Variants in GALNTL6 observed in about 807,000 individuals in gnomAD.
GALNTL6 encodes polypeptide N-acetylgalactosaminyltransferase like 6.
Under a neutral mutation model 73.7 loss-of-function variants are expected in GALNTL6, and 46 were observed. The observed-to-expected ratio is 0.62, with a 90% CI of 0.49 to 0.80. GALNTL6 has a LOEUF of 0.80. Among genes scored for constraint, GALNTL6 ranks in the 30% least tolerant of loss-of-function variants. The pLI is 0.00. For synonymous variants in GALNTL6, 259 were observed against 263.7 expected, an observed-to-expected ratio of 0.98 and a Z score of 0.17; for missense variants, 604 against 755.0, an observed-to-expected ratio of 0.80 and a Z score of 2.34.
At chr4:172,144,133 C>T (rs148017863) in intron 2 of GALNTL6, among the ~76,000 whole-genome samples, 184 of 152,224 alleles carry the variant, frequency 1.2e-3, no homozygotes, top group African/African-American at 3.7e-3. Flanking sequence ...AAAGGGCTCC[C>T]CTTCCAATTA....
chr4:172,544,967 T>G (rs1375603783), intron 5 of GALNTL6, among the ~76,000 whole-genome samples: 1 of 152,192 alleles, frequency 6.6e-6, no homozygotes, highest in Non-Finnish European at 1.5e-5. Context: ...TATCCCAGGT[T>G]TTTCCCAATG....
chr4:172,292,451 A>G (rs1250337175), intron 3 of GALNTL6, among the ~76,000 whole-genome samples: 1 of 152,250 alleles, frequency 6.6e-6, no homozygotes, highest in Non-Finnish European at 1.5e-5. Flanking sequence ...ATTCATACTG[A>G]TACAATCCAT....
chr4:172,302,442 ATTCG>A (rs997503087), intron 3 of GALNTL6, among the ~76,000 whole-genome samples: 2 of 152,104 alleles, frequency 1.3e-5, no homozygotes, highest in African/African-American at 2.4e-5. Context: ...TGCAGAAATC[ATTCG>A]TCTTCTGCTT....
At chr4:172,931,958 A>G (rs1455863285) in intron 9 of GALNTL6, among the ~76,000 whole-genome samples, 1 of 152,152 alleles carries the variant, frequency 6.6e-6, no homozygotes. Flanking sequence ...TGCTTTCCAT[A>G]TTACTTTCTT....
At chr4:171,967,964 T>C (rs12503009) in intron 2 of GALNTL6, among the ~76,000 whole-genome samples, 6 of 151,910 alleles carry the variant, frequency 3.9e-5, no homozygotes, top group Non-Finnish European at 5.9e-5. Context: ...ATACCCTAGT[T>C]GTGAGAACAG....
At chr4:172,936,085 G>A (rs1047202322) in intron 9 of GALNTL6, among the ~76,000 whole-genome samples, 1 of 152,166 alleles carries the variant, frequency 6.6e-6, no homozygotes, top group Admixed American at 6.5e-5. Context: ...TATCCACCAT[G>A]ATCAAGTTGG....
At chr4:172,151,550 T>C (rs749405246) in intron 2 of GALNTL6, among the ~76,000 whole-genome samples, 62 of 152,196 alleles carry the variant, frequency 4.1e-4, no homozygotes, top group Non-Finnish European at 8.8e-4. Flanking sequence ...GCTATCAACG[T>C]CAGGAGGAGT....
chr4:171,969,768 C>CATT (rs1553977045), intron 2 of GALNTL6, among the ~76,000 whole-genome samples: 1 of 143,932 alleles, frequency 6.9e-6, no homozygotes, highest in African/African-American at 2.6e-5. Flanking sequence ...CTCCAAACCA[C>CATT]TTTTTTTTTT....
At chr4:172,773,131 A>G (rs1033790419) in intron 5 of GALNTL6, among the ~76,000 whole-genome samples, 22 of 152,230 alleles carry the variant, frequency 1.4e-4, no homozygotes, top group African/African-American at 4.6e-4. Flanking sequence ...ACTCCGTGTG[A>G]TGAAAGAGCA....
intron 2 of GALNTL6, among the ~76,000 whole-genome samples, chr4:172,156,566 TAC>T (rs202128867): frequency 0.011 from 1,161 of 102,000 alleles, 103 homozygotes; most frequent in African/African-American, 0.042. Context: ...TATATATATA[TAC>T]ATACTATATA....
intron 2 of GALNTL6, among the ~76,000 whole-genome samples, chr4:171,975,317 C>G (rs1183906059): frequency 1.3e-5 from 2 of 152,134 alleles, no homozygotes; most frequent in Non-Finnish European, 2.9e-5. Context: ...ATGCTCTACC[C>G]TACTTATCAT....
chr4:172,341,769 C>A (rs1741575408), intron 4 of GALNTL6, among the ~76,000 whole-genome samples: 1 of 152,152 alleles, frequency 6.6e-6, no homozygotes, highest in Admixed American at 6.5e-5. Context: ...CTTCCCCAAC[C>A]ATACGGAACA....
chr4:172,126,700 G>A (rs538891280), intron 2 of GALNTL6, among the ~76,000 whole-genome samples: 146 of 152,238 alleles, frequency 9.6e-4, no homozygotes, highest in African/African-American at 3.3e-3. Flanking sequence ...ACCACACAAA[G>A]GCATTGCTCA....
chr4:172,426,891 C>T (rs991088877), intron 5 of GALNTL6, among the ~76,000 whole-genome samples: 1 of 145,852 alleles, frequency 6.9e-6, no homozygotes, highest in Non-Finnish European at 1.5e-5. Flanking sequence ...GAAACATTCT[C>T]TAGCCAATTC....
chr4:172,045,146 T>C (rs1248024752), intron 2 of GALNTL6, among the ~76,000 whole-genome samples: 2 of 152,180 alleles, frequency 1.3e-5, no homozygotes, highest in African/African-American at 4.8e-5. Context: ...ACTTTCAGTG[T>C]TTGATTAGAA....
intron 4 of GALNTL6, among the ~76,000 whole-genome samples, chr4:172,345,733 T>C (rs1741717469): frequency 6.6e-6 from 1 of 152,148 alleles, no homozygotes; most frequent in Non-Finnish European, 1.5e-5. Context: ...AATTTGACTA[T>C]AATAGTGTTT....
intron 5 of GALNTL6, among the ~76,000 whole-genome samples, chr4:172,596,387 G>A (rs1470093765): frequency 6.0e-5 from 9 of 151,180 alleles, no homozygotes; most frequent in South Asian, 2.1e-4. Context: ...AGAGGTTGCC[G>A]TGTGCTGTGA....
At chr4:172,669,123 T>G (rs1165961420) in intron 5 of GALNTL6, 2 of 152,238 alleles carry the variant, frequency 1.3e-5, no homozygotes, top group African/African-American at 4.8e-5. Context: ...TGTTATTTAC[T>G]TAACTCCATT....
At chr4:172,608,708 G>A (rs896201713) in intron 5 of GALNTL6, among the ~76,000 whole-genome samples, 9 of 152,068 alleles carry the variant, frequency 5.9e-5, no homozygotes, top group Admixed American at 2.6e-4. Context: ...GAATAGCACT[G>A]AATTGGTAGA....
Sources: allele counts gnomAD v4.1 joint callset (sites outside exome capture counted in the v4.1 genomes callset), GRCh38; gene constraint gnomAD v4.1.1; transcripts MANE v1.5; gene names NCBI Gene and HGNC (gene_info 2026-07-23, HGNC 2026-07-21).